SPAG16: variants seen among roughly 807,000 people sequenced by gnomAD.
SPAG16 encodes the protein sperm associated antigen 16.
SPAG16 carries 86 observed loss-of-function variants against 80.4 expected under a neutral mutation model. The ratio of observed to expected loss-of-function variants is 1.07; its 90% CI spans 0.90 to 1.28. SPAG16 has a LOEUF of 1.28. Ranked by LOEUF, SPAG16 falls within the 50% of genes most tolerant of loss-of-function variation. The pLI, the probability that SPAG16 is intolerant of heterozygous loss-of-function variation, is 0.00. For synonymous variants in SPAG16, 294 were observed against 265.9 expected (o/e 1.11, Z -1.03); for missense variants, 870 against 765.3 (o/e 1.14, Z -1.61).
chr2:214,027,615 C>A (rs1309580047), intron 13 of SPAG16, among the ~76,000 whole-genome samples: 3 of 151,814 alleles, frequency 2.0e-5, no homozygotes, highest in Non-Finnish European at 3.0e-5. Context: ...AGCAATCCAT[C>A]TGTGTCCACT....
chr2:213,643,400 A>ATG (rs2062695995), intron 10 of SPAG16, among the ~76,000 whole-genome samples: 1 of 44,464 alleles, frequency 2.2e-5, no homozygotes, highest in Non-Finnish European at 4.1e-5. Context: ...ATATATATAT[A>ATG]TATATATATA....
chr2:213,779,525 A>C (rs1348508903), intron 10 of SPAG16, among the ~76,000 whole-genome samples: 24 of 152,330 alleles, frequency 1.6e-4, no homozygotes. Context: ...TGCCATTCAC[A>C]GCTAAAGCAA....
intron 10 of SPAG16, among the ~76,000 whole-genome samples, chr2:213,834,493 A>G (rs2073969874): frequency 6.6e-6 from 1 of 152,132 alleles, no homozygotes; most frequent in South Asian, 2.1e-4. Flanking sequence ...CCTGTGTAGC[A>G]TTTCTTCCTC....
At chr2:213,303,370 T>G (rs986384146) in intron 3 of SPAG16, among the ~76,000 whole-genome samples, 5 of 152,036 alleles carry the variant, frequency 3.3e-5, no homozygotes, top group Non-Finnish European at 7.4e-5. Flanking sequence ...TGGGGTTCTA[T>G]CAACTCAAGC....
At chr2:214,278,127 G>A (rs915094522) in intron 15 of SPAG16, among the ~76,000 whole-genome samples, 11 of 152,204 alleles carry the variant, frequency 7.2e-5, no homozygotes, top group Admixed American at 1.3e-4. Flanking sequence ...CGAGCCAGGC[G>A]CAGGATGTAA....
intron 14 of SPAG16, among the ~76,000 whole-genome samples, chr2:214,131,734 C>A (rs1275000386): frequency 6.6e-6 from 1 of 152,226 alleles, no homozygotes; most frequent in Non-Finnish European, 1.5e-5. Context: ...ATGACTCCAA[C>A]TATGTGACAT....
At chr2:214,124,303 A>G (rs2054366150) in intron 14 of SPAG16, among the ~76,000 whole-genome samples, 1 of 150,340 alleles carries the variant, frequency 6.7e-6, no homozygotes, top group Non-Finnish European at 1.5e-5. Flanking sequence ...AGGATATTTG[A>G]CCACTCAGAC....
At chr2:213,833,054 C>T (rs1353335835) in intron 10 of SPAG16, among the ~76,000 whole-genome samples, 1 of 151,742 alleles carries the variant, frequency 6.6e-6, no homozygotes, top group Non-Finnish European at 1.5e-5. Context: ...ACTGTGCTGC[C>T]TTCTCTTTTT....
intron 10 of SPAG16, among the ~76,000 whole-genome samples, chr2:213,822,669 C>A (rs2073018017): frequency 6.6e-6 from 1 of 152,054 alleles, no homozygotes; most frequent in Non-Finnish European, 1.5e-5. Context: ...TACGTAAGTA[C>A]ACGTGTGCCA....
chr2:213,490,074 G>A lies in SPAG16; in HGVS notation c.1054G>A (p.Glu352Lys), dbSNP rs979085881. Residue 352 changes from glutamate (E) to lysine (K), a missense_variant, in exon 10 of 16, where the codon GAA (glutamate) becomes AAA (lysine). Coordinates refer to ENST00000331683, the MANE Select transcript of SPAG16 (RefSeq NM_024532.5). ...YKLKNIFRLH[E>K]LPVSCVSMQP... ...GCTGAAAAACATTTTTAGACTCCAT[G>A]AACTTCCAGTGAGCTGGTAGGATTT... 6.3e-7 allele frequency: 1 copy of A among 1,591,472 alleles called. No homozygotes were observed. Among genetic ancestry groups the A allele is most frequent in the African/African-American group, 1.4e-5 (1 of 73,698 alleles).
At chr2:213,788,316 G>C (rs548134356) in intron 10 of SPAG16, among the ~76,000 whole-genome samples, 7 of 151,834 alleles carry the variant, frequency 4.6e-5, no homozygotes, top group African/African-American at 1.7e-4. Context: ...AAGGAAATAA[G>C]CTACACAATC....
At position 213,991,740 on chromosome 2, in the gene SPAG16, G is replaced by T. The variant is rs372200702; in HGVS notation, c.1401-22211G>T. On this transcript the variant is annotated intron_variant, in intron 12 of 15. Coordinates refer to ENST00000331683, the MANE Select transcript of SPAG16 (RefSeq NM_024532.5). ...AATTGCCTTTCCTGGGACTTTTAAT[G>T]GGTGGATTTCCAAGTCTTTACCAAG... Among the ~76,000 whole-genome samples the T allele has an allele frequency of 1.6e-4, 25 of 152,208 alleles. 1 individual carries two copies. The South Asian group carries it at 5.2e-3, about 32-fold the overall frequency.
At chr2:213,831,483 C>A (rs1460654026) in intron 10 of SPAG16, among the ~76,000 whole-genome samples, 7 of 151,542 alleles carry the variant, frequency 4.6e-5, no homozygotes, top group Admixed American at 1.3e-4. Flanking sequence ...AGATGAAGTC[C>A]TGTTAACTAA....
intron 14 of SPAG16, among the ~76,000 whole-genome samples, chr2:214,128,704 T>A (rs2054611839): frequency 6.6e-6 from 1 of 151,882 alleles, no homozygotes; most frequent in South Asian, 2.1e-4. Flanking sequence ...TAGCCTAAAT[T>A]TTCTCATATG....
chr2:214,131,386 A>T (rs1187554196), intron 14 of SPAG16, among the ~76,000 whole-genome samples: 1 of 152,054 alleles, frequency 6.6e-6, no homozygotes, highest in Non-Finnish European at 1.5e-5. Flanking sequence ...AAAAAAAAAA[A>T]AAAAATCAAA....
At chr2:213,965,955 A>G (rs190436891) in intron 12 of SPAG16, among the ~76,000 whole-genome samples, 91 of 152,324 alleles carry the variant, frequency 6.0e-4, no homozygotes, top group Non-Finnish European at 6.3e-4. Flanking sequence ...ATGGATCAAA[A>G]TGATGGGACC....
intron 10 of SPAG16, among the ~76,000 whole-genome samples, chr2:213,760,549 TA>T (rs568676032): frequency 2.2e-4 from 33 of 147,684 alleles, no homozygotes; most frequent in South Asian, 6.4e-4. Flanking sequence ...TGCAATACAT[TA>T]AAAAAAAAAC....
intron 10 of SPAG16, among the ~76,000 whole-genome samples, chr2:213,642,518 T>G (rs915156731): frequency 1.3e-5 from 2 of 151,834 alleles, no homozygotes; most frequent in African/African-American, 4.8e-5. Flanking sequence ...AGTCAGTGGG[T>G]TGGGAAAGGC....
chr2:214,280,906 C>A, intron 15 of SPAG16: 1 of 431,038 alleles, frequency 2.3e-6, no homozygotes, highest in South Asian at 2.0e-5. Context: ...CACATGTAAT[C>A]TGCGACATTC....
Sources: gnomAD v4.1 joint callset for allele counts (sites outside exome capture counted in the v4.1 genomes callset) on GRCh38, gnomAD v4.1.1 for gene constraint, MANE v1.5 for transcripts, NCBI Gene and HGNC (gene_info 2026-07-23, HGNC 2026-07-21) for gene names.